The following GBP4 variants were observed in gnomAD, a reference collection of about 807,000 sequenced individuals.
GBP4 encodes guanylate binding protein 4.
In GBP4, 69 loss-of-function variants were observed where a neutral mutation model predicts 62.2. The ratio of observed to expected loss-of-function variants is 1.11; its 90% CI spans 0.91 to 1.36. The LOEUF (loss-of-function observed/expected upper bound fraction) is 1.36, where lower values mean the gene tolerates loss of function less well. Among genes scored for constraint, GBP4 ranks in the 40% most tolerant of loss-of-function variants. The pLI, the probability that GBP4 is intolerant of heterozygous loss-of-function variation, is 0.00. For missense variants in GBP4, 697 were observed against 759.3 expected, an observed-to-expected ratio of 0.92 and a Z score of 0.96; for synonymous variants, 278 against 274.6, an observed-to-expected ratio of 1.01 and a Z score of -0.12.
intron 1 of GBP4, among the ~76,000 whole-genome samples, chr1:89,198,033 T>C (rs954956435): frequency 6.6e-6 from 1 of 151,248 alleles, no homozygotes; most frequent in African/African-American, 2.4e-5. Context: ...GGGGGAGGGG[T>C]CTAGTTAAAA....
At position 89,186,355 on chromosome 1, in the gene GBP4, C is replaced by G. The variant is rs771533053; in HGVS notation, c.1685G>C (p.Arg562Thr). Residue 562 changes from arginine to threonine, a missense_variant, in exon 10 of 11, where the codon AGG (arginine) becomes ACG (threonine). Coordinates refer to ENST00000355754, the MANE Select transcript of GBP4 (RefSeq NM_052941.5). ...ERENLLREHE[R>T]LLKHKLKVQE... ...CACCTTCAGCTTGTGTTTTAGCAGC[C>G]TTTCATGCTCTCTGAGAAGGTTTTC... The G allele has an allele frequency of 2.5e-6, 4 of 1,613,100 alleles. No individual in the cohort carries two copies. The highest frequency in any genetic ancestry group is 3.4e-6 in the Non-Finnish European group (4 of 1,179,116).
intron 1 of GBP4, 60 bp from the exon 2 acceptor site, chr1:89,197,364 T>A (rs912774908): frequency 3.1e-5 from 43 of 1,399,098 alleles, no homozygotes; most frequent in Non-Finnish European, 4.2e-5. Flanking sequence ...CCCTAAGGGC[T>A]ACCTAAGGCA....
Position 89,188,746 on chromosome 1 carries a change from C to A in GBP4, c.1246G>T (p.Ala416Ser). Residue 416 changes from alanine to serine, a missense_variant, in exon 8 of 11, where the codon GCA becomes TCA. Coordinates refer to ENST00000355754, the MANE Select transcript of GBP4 (RefSeq NM_052941.5). ...TCAGCCTGGCAATATTTGGCAGATG[C>A]CTCTTCATTCTGCAGCACAAAGTCT... ...KGDFVLQNEE[A>S]SAKYCQAELK... is the part of the protein sequence containing the mutation. 2 of 1,614,250 alleles carry A rather than the reference C, an allele frequency of 1.2e-6. No individual in the cohort carries two copies. Among genetic ancestry groups the A allele is most frequent in the Non-Finnish European group, 1.7e-6 (2 of 1,180,052 alleles).
rs1647927919 is a variant in GBP4, at chr1:89,182,936, G to T, written c.*2318C>A. 1 of 152,126 alleles carries T rather than the reference G, an allele frequency of 6.6e-6. No homozygotes were observed. Among genetic ancestry groups the T allele is most frequent in the South Asian group, 2.1e-4 (1 of 4,826 alleles). 9.4% of individuals were successfully genotyped at this position (152,126 alleles called of 1,614,324 possible). ...AGGTCTCTCTCTTCCCTCAATTCTA[G>T]CTGCAAGTTTTGAGCACTAGACAGC... On this transcript the variant is annotated 3_prime_UTR_variant, in exon 11 of 11. Coordinates refer to ENST00000355754, the MANE Select transcript of GBP4 (RefSeq NM_052941.5).
At chr1:89,196,794 G>A (rs779728509) in intron 2 of GBP4, among the ~76,000 whole-genome samples, 2 of 149,382 alleles carry the variant, frequency 1.3e-5, no homozygotes, top group Middle Eastern at 3.4e-3. Flanking sequence ...GCTATTTGAA[G>A]TGACCAGGTA....
chr1:89,190,145 G>C lies in GBP4; in HGVS notation c.1090C>G (p.Leu364Val), dbSNP rs200314067. The C allele has an allele frequency of 3.2e-5, 52 of 1,614,180 alleles. No homozygotes were observed. The African/African-American group carries it at 6.5e-4, about 20-fold the overall frequency. Residue 364 changes from leucine (L) to valine (V), a missense_variant, in exon 7 of 11, where the codon CTC becomes GTC. Around this residue, in one of 2 missense-constraint regions of GBP4, gnomAD observed 556 missense variants for 562.7 expected, o/e 0.99. Coordinates refer to ENST00000355754, the MANE Select transcript of GBP4 (RefSeq NM_052941.5). Reference sequence around the variant, plus strand: ...GCATGCACGTCCAGCAGCTCCTGGAGCGTGTCTGTGGGGAGCCTCAGTTGC... The same window carrying C: ...GCATGCACGTCCAGCAGCTCCTGGACCGTGTCTGTGGGGAGCCTCAGTTGC... ...AQQLRLPTDT[L>V]QELLDVHAAC...
chr1:89,193,542 A>T (rs1219848289), intron 3 of GBP4, 130 bp from the exon 4 acceptor site: 1 of 717,980 alleles, frequency 1.4e-6, no homozygotes, highest in Non-Finnish European at 2.3e-6. Context: ...TTTTGAAGCC[A>T]ATGCTGAATT....
chr1:89,188,617 A>T lies in GBP4; in HGVS notation c.1375T>A (p.Trp459Arg), dbSNP rs61746777. The change falls in exon 8 of 11, where the codon TGG becomes AGG. Residue 459 changes from tryptophan to arginine, a missense_variant. Physicochemically the swap from Trp to Arg is moderately radical, Grantham distance 101. Around this residue, in one of 2 missense-constraint regions of GBP4, gnomAD observed 556 missense variants for 562.7 expected, o/e 0.99. Coordinates refer to ENST00000355754, the MANE Select transcript of GBP4 (RefSeq NM_052941.5). ...TTTCTGGGCACTAGCTTATAGTCCC[A>T]CTCAACCTGTTTCTTTTCTTCTAAG... ...LYLEEKKQVE[W>R]DYKLVPRKGV... 28 of 1,614,014 alleles carry T rather than the reference A, an allele frequency of 1.7e-5. No homozygotes were observed. The highest frequency in any genetic ancestry group is 2.1e-5 in the Non-Finnish European group (25 of 1,179,982).
chr1:89,190,327 C>G lies in GBP4; in HGVS notation c.917-9G>C. 6.4e-7 allele frequency: 1 copy of G among 1,568,180 alleles called. No individual in the cohort carries two copies. The highest frequency in any genetic ancestry group is 8.7e-7 in the Non-Finnish European group (1 of 1,151,078). Reference sequence around the variant, plus strand: ...CACCAGAGTCCCCAGCCCTGAATCACATATATTTAGGGAAAATTTACAGTT... The same window carrying G: ...CACCAGAGTCCCCAGCCCTGAATCAGATATATTTAGGGAAAATTTACAGTT... On this transcript the variant is annotated splice_polypyrimidine_tract_variant and intron_variant, in intron 6 of 10. Transcript: ENST00000355754.
At chr1:89,192,322 A>G (rs1414353083) in intron 5 of GBP4, among the ~76,000 whole-genome samples, 1 of 152,232 alleles carries the variant, frequency 6.6e-6, no homozygotes, top group Non-Finnish European at 1.5e-5. Flanking sequence ...GAAGTAGGTG[A>G]TGTTATGAAA....
Position 89,186,528 on chromosome 1 carries a change from T to C in GBP4, c.1514-2A>G, listed in dbSNP as rs961119368. ...CTGCTTCCTTCATGGCCCGCTCCGCTATTCCACAAAGGTTTTAGAGAGGGA... is the reference window on the plus strand; with the variant it reads ...CTGCTTCCTTCATGGCCCGCTCCGCCATTCCACAAAGGTTTTAGAGAGGGA... On this transcript the variant is annotated splice_acceptor_variant, in intron 9 of 10. Coordinates refer to ENST00000355754, the MANE Select transcript of GBP4 (RefSeq NM_052941.5). LOFTEE classifies it high-confidence loss of function. The C allele has an allele frequency of 1.9e-6, 3 of 1,613,460 alleles. No homozygotes were observed. Among genetic ancestry groups the C allele is most frequent in the Middle Eastern group, 1.7e-4 (1 of 6,040 alleles).
At chr1:89,195,992 T>C (rs963854441) in intron 2 of GBP4, among the ~76,000 whole-genome samples, 1 of 152,234 alleles carries the variant, frequency 6.6e-6, no homozygotes. Context: ...CTAATAAGCA[T>C]GTAAATTGCA....
Position 89,184,320 on chromosome 1 carries a change from C to T in GBP4, c.*934G>A. 1 of 152,176 alleles carries T rather than the reference C, an allele frequency of 6.6e-6. No homozygotes were observed. The highest frequency in any genetic ancestry group is 1.5e-5 in the Non-Finnish European group (1 of 68,028). 9.4% of individuals were successfully genotyped at this position (152,176 alleles called of 1,614,324 possible). A position where few individuals can be genotyped will look rare whatever the true frequency, so the allele number is the denominator to read the frequency against. On this transcript the variant is annotated 3_prime_UTR_variant, in exon 11 of 11. Transcript: ENST00000355754. ...AAGAACTCAGAATTACCATTCAACTCAGCAATCCCATTATTCCCAAAGGAA... is the reference window on the plus strand; with the variant it reads ...AAGAACTCAGAATTACCATTCAACTTAGCAATCCCATTATTCCCAAAGGAA...
In GBP4 at chr1:89,182,850, T is replaced by C. The variant is rs1647923160; in HGVS notation, c.*2404A>G. On this transcript the variant is annotated 3_prime_UTR_variant, in exon 11 of 11. Coordinates refer to ENST00000355754, the MANE Select transcript of GBP4 (RefSeq NM_052941.5). ...CTGGGCTGCCTGTCTTTGGTTTTAC[T>C]TCCTTGTTGTTTTTTCTTAAAACAG... is the stretch of plus-strand genomic sequence containing the variant. 1 of 152,228 alleles carries C rather than the reference T, an allele frequency of 6.6e-6. No homozygotes were observed. The highest frequency in any genetic ancestry group is 2.4e-5 in the African/African-American group (1 of 41,450). The allele number at this position is 152,228 out of a possible 1,614,324, so 9.4% of individuals were successfully genotyped here.
intron 5 of GBP4, among the ~76,000 whole-genome samples, chr1:89,192,147 C>G (rs1203143410): frequency 6.6e-6 from 1 of 152,166 alleles, no homozygotes; most frequent in African/African-American, 2.4e-5. Flanking sequence ...CAGAGGGATT[C>G]TGTGGCATAT....
chr1:89,195,216 G>C, intron 3 of GBP4, 81 bp downstream of exon 3: 1 of 1,397,158 alleles, frequency 7.2e-7, no homozygotes, highest in Non-Finnish European at 9.9e-7. Flanking sequence ...AGTTTACAGA[G>C]ATATGTACAG....
Position 89,195,431 on chromosome 1 carries a change from G to A in GBP4, c.236-7C>T. On this transcript the variant is annotated splice_region_variant and splice_polypyrimidine_tract_variant and intron_variant, in intron 2 of 10. Coordinates refer to ENST00000355754, the MANE Select transcript of GBP4 (RefSeq NM_052941.5). ...GTGGAGCCCAGAGGGAAGCCTGCAG[G>A]GAAGAGGAAAAATAACAAACAGTAA... The A allele has an allele frequency of 1.9e-6, 3 of 1,613,300 alleles. No individual in the cohort carries two copies. The highest frequency in any genetic ancestry group is 4.5e-5 in the East Asian group (2 of 44,860).
chr1:89,193,763 C>T (rs993733744), intron 3 of GBP4, among the ~76,000 whole-genome samples: 1 of 152,190 alleles, frequency 6.6e-6, no homozygotes, highest in Non-Finnish European at 1.5e-5. Flanking sequence ...AGTTCAAAAA[C>T]TTTACATTGT....
intron 10 of GBP4, 37 bp downstream of exon 10, chr1:89,186,296 T>A: frequency 1.3e-6 from 2 of 1,559,274 alleles, no homozygotes; most frequent in Non-Finnish European, 1.8e-6. Flanking sequence ...AGCAGGGCAT[T>A]GTCCCTCAGG....
Sources: allele counts gnomAD v4.1 joint callset (sites outside exome capture counted in the v4.1 genomes callset), GRCh38; gene constraint gnomAD v4.1.1; regional missense constraint gnomAD v4.1.1; transcripts MANE v1.5; gene names NCBI Gene and HGNC (gene_info 2026-07-23, HGNC 2026-07-21).